Variants in AHRR observed in about 807,000 individuals in gnomAD.
The protein encoded by AHRR is aryl hydrocarbon receptor repressor.
Under a neutral mutation model 44.0 loss-of-function variants are expected in AHRR, and 28 were observed. That is an observed-to-expected ratio of 0.64 (90% CI 0.47 to 0.87). The LOEUF (loss-of-function observed/expected upper bound fraction) is 0.87, where lower values mean the gene tolerates loss of function less well. Among genes scored for constraint, AHRR ranks in the 40% least tolerant of loss-of-function variants. AHRR has a pLI of 0.00. For synonymous variants in AHRR, 434 were observed against 407.0 expected (o/e 1.07, Z -0.80); for missense variants, 990 against 953.9 (o/e 1.04, Z -0.50).
intron 4 of AHRR, among the ~76,000 whole-genome samples, chr5:407,308 T>C (rs2126503938): frequency 6.6e-6 from 1 of 152,344 alleles, no homozygotes; most frequent in South Asian, 2.1e-4. Context: ...GAGGTGTGTC[T>C]TCCTATTTGT....
rs371696411 is a variant in AHRR, at chr5:413,443, A to G, written c.441+10A>G. 6 of 1,588,962 alleles carry G rather than the reference A, an allele frequency of 3.8e-6. No individual in the cohort carries two copies. The highest frequency in any genetic ancestry group is 2.2e-5 in the East Asian group (1 of 44,768). On this transcript the variant is annotated intron_variant, in intron 5 of 10. Transcript: ENST00000684583. ...TCTGGGCTTCCATCAGGTAAATGAA[A>G]CCAGAATAGCCCTCCAGTCTGTTAA...
chr5:390,886 C>T (rs907440088), intron 4 of AHRR, among the ~76,000 whole-genome samples: 4 of 152,148 alleles, frequency 2.6e-5, no homozygotes, highest in East Asian at 1.9e-4. Flanking sequence ...CACGCACACC[C>T]GGGGGCAGGG....
At chr5:332,177 T>A (rs1415097559) in intron 1 of AHRR, among the ~76,000 whole-genome samples, 1 of 152,034 alleles carries the variant, frequency 6.6e-6, no homozygotes, top group Non-Finnish European at 1.5e-5. Context: ...TAATATAATT[T>A]TAATTTTTAA....
intron 2 of AHRR, among the ~76,000 whole-genome samples, chr5:344,824 G>T (rs1742538941): frequency 1.5e-5 from 2 of 136,524 alleles, no homozygotes; most frequent in South Asian, 2.4e-4. Context: ...GGTGTGTGTG[G>T]GGGACTGTAG....
At chr5:393,694 G>A (rs1325903611) in intron 4 of AHRR, among the ~76,000 whole-genome samples, 1 of 152,120 alleles carries the variant, frequency 6.6e-6, no homozygotes, top group Non-Finnish European at 1.5e-5. Flanking sequence ...CTGGAGTGCA[G>A]TGGTACGATC....
chr5:384,919 G>A (rs1019116257), intron 4 of AHRR, among the ~76,000 whole-genome samples: 1 of 152,052 alleles, frequency 6.6e-6, no homozygotes, highest in Non-Finnish European at 1.5e-5. Flanking sequence ...GCTGAGGCAG[G>A]CGGATCACAA....
In AHRR at chr5:406,653, G is replaced by A. The variant is rs921962635; in HGVS notation, c.352-6691G>A. On this transcript the variant is annotated intron_variant, in intron 4 of 10. Coordinates refer to ENST00000684583, the MANE Select transcript of AHRR (RefSeq NM_001377236.1). This position sits in a 1 kb window ranked among gnomAD's most constrained non-coding sequence, Gnocchi z 4.7. ...TAGGAAAACGCTGGTGCAAAAATAC[G>A]ATGCAGGCAGCTCAAAGGAGAAACG... Among the ~76,000 whole-genome samples the A allele has an allele frequency of 1.3e-5, 2 of 152,278 alleles. No individual in the cohort carries two copies. The highest frequency in any genetic ancestry group is 4.8e-5 in the African/African-American group (2 of 41,548).
chr5:384,639 C>G (rs1242756411), intron 4 of AHRR, among the ~76,000 whole-genome samples: 1 of 152,130 alleles, frequency 6.6e-6, no homozygotes, highest in Admixed American at 6.5e-5. Flanking sequence ...CCAGGCTGGT[C>G]TTGAACCCCT....
chr5:388,893 G>A lies in AHRR; in HGVS notation c.351+12177G>A, dbSNP rs1734282774. 1.3e-5 allele frequency among the ~76,000 whole-genome samples: 2 copies of A among 152,200 alleles called. No homozygotes were observed. The highest frequency in any genetic ancestry group is 4.1e-4 in the South Asian group (2 of 4,836). On this transcript the variant is annotated intron_variant, in intron 4 of 10. Transcript: ENST00000684583. This position sits in a 1 kb window ranked among gnomAD's most constrained non-coding sequence, Gnocchi z 5.2. ...AATGCTCATGACAAAAGCAGCAGGT[G>A]CGGAGGGTTTCCGCCGGTGCCTCGC...
chr5:361,288 C>G (rs1211914520), intron 3 of AHRR, among the ~76,000 whole-genome samples: 1 of 152,186 alleles, frequency 6.6e-6, no homozygotes, highest in African/African-American at 2.4e-5. Flanking sequence ...GTGAAACAGC[C>G]ATTGGATAGG....
At chr5:403,954 T>G (rs1274208457) in intron 4 of AHRR, 2 of 1,411,642 alleles carry the variant, frequency 1.4e-6, no homozygotes, top group Admixed American at 3.4e-5. Context: ...CTCCTCCACT[T>G]TATTTTCTGA....
intron 3 of AHRR, among the ~76,000 whole-genome samples, chr5:368,738 G>A (rs1743462375): frequency 6.6e-6 from 1 of 152,226 alleles, no homozygotes; most frequent in African/African-American, 2.4e-5. Context: ...CGGGTTCTGT[G>A]ATCTCAGAAA....
intron 3 of AHRR, among the ~76,000 whole-genome samples, chr5:355,740 T>G (rs913907342): frequency 2.0e-5 from 3 of 152,226 alleles, no homozygotes; most frequent in Non-Finnish European, 4.4e-5. Flanking sequence ...GGCCATCCTG[T>G]GCAGGGGCAC....
chr5:377,243 C>G lies in AHRR; in HGVS notation c.351+527C>G, dbSNP rs115320963. On this transcript the variant is annotated intron_variant, in intron 4 of 10. Transcript: ENST00000684583. Reference sequence around the variant, plus strand: ...AGTGCTGAGTTGTCCTGTGCTGTAACGCGGGGCCTGTTACCCCTCTGGGAG... The same window carrying G: ...AGTGCTGAGTTGTCCTGTGCTGTAAGGCGGGGCCTGTTACCCCTCTGGGAG... Among the ~76,000 whole-genome samples, 201 of 152,274 alleles carry G rather than the reference C, an allele frequency of 1.3e-3. 1 individual carries two copies. The highest frequency in any genetic ancestry group is 2.3e-3 in the Non-Finnish European group (155 of 68,024).
chr5:373,791 C>T (rs1053118924), intron 3 of AHRR, among the ~76,000 whole-genome samples: 24 of 151,370 alleles, frequency 1.6e-4, no homozygotes, highest in Non-Finnish European at 2.8e-4. Context: ...AGCCCCATTC[C>T]CCGCCACGCG....
At chr5:431,317 A>T (rs1295761948) in intron 8 of AHRR, among the ~76,000 whole-genome samples, 2 of 152,212 alleles carry the variant, frequency 1.3e-5, no homozygotes, top group African/African-American at 2.4e-5. Flanking sequence ...AAGGCACATA[A>T]AGCTGGCACA....
rs149786309 is a variant in AHRR, at chr5:434,081, G to T, written c.1341G>T (p.Ser447=). 2.2e-4 allele frequency: 354 copies of T among 1,612,748 alleles called. 2 individuals carry two copies. Among genetic ancestry groups the T allele is most frequent in the Middle Eastern group, 6.6e-4 (4 of 6,042 alleles). ...CPCVQGTFRN[S]PISHPPSPSP... ...GTGTCCAGGGCACTTTCAGGAACTC[G>T]CCCATCTCTCACCCGCCGAGCCCGT... Residue 447 remains serine (S), a synonymous_variant, in exon 11 of 11, where the codon TCG becomes TCT. Coordinates refer to ENST00000684583, the MANE Select transcript of AHRR (RefSeq NM_001377236.1).
In AHRR at chr5:323,541, ATTAT is replaced by A. The variant is rs1201526963; in HGVS notation, c.-11+1729_-11+1732del. ...TACTTTATCTTGATCCTTGTGCCAA[ATTAT>A]TTATTTCCTGCAACTGTGAGGCCCC... On this transcript the variant is annotated intron_variant, in intron 1 of 10. Transcript: ENST00000684583. Among the ~76,000 whole-genome samples the A allele has an allele frequency of 3.9e-5, 6 of 152,296 alleles. No individual in the cohort carries two copies. The East Asian group carries it at 9.6e-4, about 24-fold the overall frequency.
rs549410333 is a variant in AHRR, at chr5:390,917, A to G, written c.351+14201A>G. 7.9e-5 allele frequency among the ~76,000 whole-genome samples: 12 copies of G among 152,220 alleles called. No individual in the cohort carries two copies. In the East Asian group the frequency reaches 1.9e-3, roughly 25 times the overall value. On this transcript the variant is annotated intron_variant, in intron 4 of 10. Transcript: ENST00000684583. The stretch of plus-strand genomic sequence containing the variant: ...CAGGGTCTGAGGTTTTCTTCTTTCA[A>G]GTTGTTTCTCGGAAAGCCCCTGGAG...
Sources: allele counts gnomAD v4.1 joint callset (sites outside exome capture counted in the v4.1 genomes callset), GRCh38; gene constraint gnomAD v4.1.1; non-coding constraint Gnocchi (gnomAD v3.1); transcripts MANE v1.5; gene names NCBI Gene and HGNC (gene_info 2026-07-23, HGNC 2026-07-21).